TARS1: variants seen among roughly 807,000 people sequenced by gnomAD.
TARS1 encodes the protein threonyl-tRNA synthetase 1, also known as threonine--tRNA ligase 1, cytoplasmic.
A neutral mutation model predicts 97.7 loss-of-function variants in TARS1; 57 were observed. The ratio of observed to expected loss-of-function variants is 0.58; its 90% confidence interval spans 0.47 to 0.73. The LOEUF (loss-of-function observed/expected upper bound fraction) is 0.73. Ranked by LOEUF, TARS1 falls within the 30% of genes least tolerant of loss-of-function variation. TARS1 has a pLI of 0.00. For missense variants in TARS1, 806 were observed against 888.3 expected, an observed-to-expected ratio of 0.91 and a Z score of 1.18; for synonymous variants, 312 against 293.7, an observed-to-expected ratio of 1.06 and a Z score of -0.64.
At chr5:33,440,717 A>G, upstream of TARS1, 1 of 441,936 alleles carries the variant, frequency 2.3e-6, no homozygotes, top group Non-Finnish European at 4.0e-6. Context: ...ACATAAAGTC[A>G]GAAGGGAGGA....
rs200414011 is a variant in TARS1, at chr5:33,456,135, C to T, written c.759-14C>T. 1 of 1,613,692 alleles carries T rather than the reference C, an allele frequency of 6.2e-7. No individual in the cohort carries two copies. The highest frequency in any genetic ancestry group is 8.5e-7 in the Non-Finnish European group (1 of 1,179,768). ...ATTTTGTCTTTGTTAAAATTCCTTT[C>T]ATTTTATCTTTAGATGTGGCCCTTT... On this transcript the variant is annotated splice_polypyrimidine_tract_variant and intron_variant, in intron 7 of 18. Transcript: ENST00000265112.
At position 33,458,675 on chromosome 5, in the gene TARS1, T is replaced by C; in HGVS notation, c.1083+11T>C. On this transcript the variant is annotated intron_variant, in intron 10 of 18. Coordinates refer to ENST00000265112, the MANE Select transcript of TARS1 (RefSeq NM_152295.5). The stretch of plus-strand genomic sequence containing the variant: ...ATTGAATTCATTAGGGTAAGTCATA[T>C]TTATTGCTTTCTTCTTTAGATTTAG... 6.3e-7 allele frequency: 1 copy of C among 1,586,986 alleles called. No individual in the cohort carries two copies. The highest frequency in any genetic ancestry group is 1.4e-5 in the African/African-American group (1 of 74,066).
chr5:33,450,662 C>G (rs1329935535), intron 3 of TARS1, among the ~76,000 whole-genome samples: 3 of 152,198 alleles, frequency 2.0e-5, no homozygotes, highest in Non-Finnish European at 4.4e-5. Context: ...ATAGATTCCT[C>G]TGTTGTCACA....
chr5:33,442,886 G>A (rs1741184493), intron 1 of TARS1, among the ~76,000 whole-genome samples: 1 of 152,164 alleles, frequency 6.6e-6, no homozygotes, highest in Admixed American at 6.5e-5. Flanking sequence ...CGTAGGAACA[G>A]TAACTTGCTC....
At chr5:33,457,867 G>A (rs188699375) in intron 9 of TARS1, among the ~76,000 whole-genome samples, 1,591 of 152,226 alleles carry the variant, frequency 0.01, 16 homozygotes, top group Middle Eastern at 0.031. Context: ...CTCTAAACTG[G>A]AAGTTAGGCT....
chr5:33,452,871 C>G (rs1338506337), intron 3 of TARS1, among the ~76,000 whole-genome samples: 3 of 151,466 alleles, frequency 2.0e-5, no homozygotes, highest in South Asian at 2.1e-4. Flanking sequence ...GCCAGTTGTC[C>G]CAGCTACTCT....
At chr5:33,464,857 C>T (rs887479948) in intron 17 of TARS1, among the ~76,000 whole-genome samples, 4 of 151,934 alleles carry the variant, frequency 2.6e-5, no homozygotes, top group African/African-American at 9.7e-5. Flanking sequence ...GCGGGTGGAT[C>T]ACGAGGTCAG....
intron 3 of TARS1, among the ~76,000 whole-genome samples, chr5:33,449,330 CGTATATATACACGT>C (rs1387622910): frequency 9.7e-6 from 1 of 103,286 alleles, no homozygotes; most frequent in Non-Finnish European, 2.1e-5. Flanking sequence ...TATATATACG[CGTATATATACACGT>C]GTATATATAT....
rs536073700 is a variant in TARS1, at chr5:33,449,331, G to A, written c.329+600G>A. Among the ~76,000 whole-genome samples, 5 of 104,472 alleles carry A rather than the reference G, an allele frequency of 4.8e-5. No individual in the cohort carries two copies. In the East Asian group the frequency reaches 6.3e-4, roughly 13 times the overall value. The allele number at this position is 104,472 out of a possible 152,430, so 68.5% of individuals were successfully genotyped here. On this transcript the variant is annotated intron_variant, in intron 3 of 18. Coordinates refer to ENST00000265112, the MANE Select transcript of TARS1 (RefSeq NM_152295.5). ...CATATATATGTGTATATATATACGCGTATATATACACGTGTATATATATAT... is the reference window on the plus strand; with the variant it reads ...CATATATATGTGTATATATATACGCATATATATACACGTGTATATATATAT...
chr5:33,441,382 CAG>C, intron 1 of TARS1: 1 of 543,606 alleles, frequency 1.8e-6, no homozygotes, highest in Non-Finnish European at 3.3e-6. Flanking sequence ...GATGAGGAAA[CAG>C]ACCTTGAGTG....
chr5:33,451,411 G>T (rs1419108667), intron 3 of TARS1, among the ~76,000 whole-genome samples: 1 of 142,904 alleles, frequency 7.0e-6, no homozygotes, highest in Non-Finnish European at 1.5e-5. Flanking sequence ...GTCTCGCTCT[G>T]TCGCCCAGGC....
chr5:33,446,204 A>G (rs1325392828), intron 2 of TARS1: 2 of 156,248 alleles, frequency 1.3e-5, no homozygotes, highest in Admixed American at 1.3e-4. Context: ...CTAAATTTAT[A>G]GTGCCGTCAT....
intron 11 of TARS1, among the ~76,000 whole-genome samples, chr5:33,460,370 A>G (rs1371941332): frequency 6.6e-5 from 10 of 152,220 alleles, no homozygotes; most frequent in Admixed American, 5.9e-4. Context: ...GGGTGTAACA[A>G]ATTACCTAGT....
chr5:33,460,889 T>C lies in TARS1; in HGVS notation c.1251-13T>C, dbSNP rs752438542. 6.2e-7 allele frequency: 1 copy of C among 1,613,548 alleles called. No homozygotes were observed. The highest frequency in any genetic ancestry group is 8.5e-7 in the Non-Finnish European group (1 of 1,179,844). ...ATTCTTAAGTGTCCGTGGACTTTTCTTTTTCTCTTCAGCCTTATGTTTGAT... is the reference window on the plus strand; with the variant it reads ...ATTCTTAAGTGTCCGTGGACTTTTCCTTTTCTCTTCAGCCTTATGTTTGAT... On this transcript the variant is annotated splice_polypyrimidine_tract_variant and intron_variant, in intron 11 of 18. Coordinates refer to ENST00000265112, the MANE Select transcript of TARS1 (RefSeq NM_152295.5).
chr5:33,465,486 G>T (rs541979704), intron 17 of TARS1, among the ~76,000 whole-genome samples: 3 of 152,292 alleles, frequency 2.0e-5, no homozygotes, highest in East Asian at 1.9e-4. Flanking sequence ...CCCATCTCAC[G>T]TGCACACACA....
rs540110706 is a variant in TARS1, at chr5:33,459,690, A to C, written c.1084-5A>C. 20 of 1,613,860 alleles carry C rather than the reference A, an allele frequency of 1.2e-5. No individual in the cohort carries two copies. The South Asian group carries it at 2.1e-4, about 17-fold the overall frequency. On this transcript the variant is annotated splice_region_variant and splice_polypyrimidine_tract_variant and intron_variant, in intron 10 of 18. Coordinates refer to ENST00000265112, the MANE Select transcript of TARS1 (RefSeq NM_152295.5). Reference sequence around the variant, plus strand: ...CTACACATGTTTCTGTTTATTTTCTATCAGAGCGAATATAGGAAAAGAGGA... The same window carrying C: ...CTACACATGTTTCTGTTTATTTTCTCTCAGAGCGAATATAGGAAAAGAGGA...
intron 9 of TARS1, 49 bp downstream of exon 9, chr5:33,457,452 A>G (rs556967878): frequency 6.3e-7 from 1 of 1,579,586 alleles, no homozygotes; most frequent in East Asian, 2.2e-5. Flanking sequence ...CTTCAACTTC[A>G]TTTGAAGTTT....
At chr5:33,452,522 C>T in intron 3 of TARS1, 3 of 952,626 alleles carry the variant, frequency 3.1e-6, no homozygotes, top group Non-Finnish European at 4.8e-6. Context: ...AGCTTTTACA[C>T]TCTGTGTGCT....
intron 1 of TARS1, among the ~76,000 whole-genome samples, chr5:33,443,529 G>C (rs560864887): frequency 8.4e-6 from 1 of 118,488 alleles, no homozygotes; most frequent in African/African-American, 3.3e-5. Context: ...GTCTTGCTCT[G>C]TCTCCCAGGC....
Sources: gnomAD v4.1 joint callset for allele counts (sites outside exome capture counted in the v4.1 genomes callset) on GRCh38, gnomAD v4.1.1 for gene constraint, MANE v1.5 for transcripts, NCBI Gene and HGNC (gene_info 2026-07-23, HGNC 2026-07-21) for gene names.